NOC2L: variants seen among roughly 807,000 people sequenced by gnomAD.
NOC2L encodes the protein nucleolar complex protein 2 homolog.
In NOC2L, 101 loss-of-function variants were observed where a neutral mutation model predicts 94.2. The ratio of observed to expected loss-of-function variants is 1.07; its 90% CI spans 0.91 to 1.26. NOC2L has a LOEUF of 1.26. Ranked by LOEUF, NOC2L falls within the 50% of genes most tolerant of loss-of-function variation. NOC2L has a pLI of 0.00. For missense variants in NOC2L, 1,076 were observed against 980.1 expected, an observed-to-expected ratio of 1.10 and a Z score of -1.31; for synonymous variants, 531 against 413.4, an observed-to-expected ratio of 1.28 and a Z score of -3.45.
At chr1:953,939 G>A (rs1466226063) in intron 7 of NOC2L, 47 bp from the exon 8 acceptor site, 4 of 1,606,146 alleles carry the variant, frequency 2.5e-6, no homozygotes, top group African/African-American at 2.7e-5. Context: ...TGTATTCTGG[G>A]ATACAAAAAA....
Position 953,209 on chromosome 1 carries a change from T to C in NOC2L, c.968A>G (p.His323Arg), listed in dbSNP as rs769994240. 2 of 1,613,506 alleles carry C rather than the reference T, an allele frequency of 1.2e-6. No homozygotes were observed. Among genetic ancestry groups the C allele is most frequent in the Middle Eastern group, 1.7e-4 (1 of 6,060 alleles). Residue 323 changes from histidine (H) to arginine (R), a missense_variant, in exon 9 of 19, where the codon CAC (histidine) becomes CGC (arginine). This residue lies in a region of NOC2L where 615 missense variants were observed against 577.4 expected (regional missense o/e 1.07). Transcript: ENST00000327044. Reference protein sequence around the residue: ...AFLVLSRVCRHKKDTFLGPVL... With the variant: ...AFLVLSRVCRRKKDTFLGPVL... ...GGGGCCAAGGAAAGTGTCCTTCTTG[T>C]GCCGGCAGACTCTGCTGAGGACCAG...
intron 2 of NOC2L, chr1:958,029 T>A (rs1642462732): frequency 6.6e-6 from 1 of 152,176 alleles, no homozygotes; most frequent in Admixed American, 6.6e-5. Context: ...AGGTCTTTAT[T>A]CAGACGTCAT....
chr1:957,095 T>C lies in NOC2L; in HGVS notation c.354+4A>G. On this transcript the variant is annotated splice_donor_region_variant and intron_variant, in intron 3 of 18. Coordinates refer to ENST00000327044, the MANE Select transcript of NOC2L (RefSeq NM_015658.4). ...CCCCCTTCTGGTTTGGCCCACGCCC[T>C]CACCTCCAGCACATCTGGCAGGGAG... The C allele has an allele frequency of 6.2e-7, 1 of 1,614,024 alleles. No individual in the cohort carries two copies. Among genetic ancestry groups the C allele is most frequent in the Non-Finnish European group, 8.5e-7 (1 of 1,179,994 alleles).
At chr1:944,938 C>G (rs947190152) in intron 18 of NOC2L, 119 bp downstream of exon 18, 1 of 1,529,474 alleles carries the variant, frequency 6.5e-7, no homozygotes, top group Admixed American at 1.8e-5. Context: ...AGCATTTGGC[C>G]TGGCCTTCCC....
intron 17 of NOC2L, 70 bp from the exon 18 acceptor site, chr1:945,216 C>A: frequency 6.6e-7 from 1 of 1,524,644 alleles, no homozygotes; most frequent in Non-Finnish European, 8.9e-7. Flanking sequence ...ACAGTGGGGG[C>A]AGGAGGGTGG....
rs563583263 is a variant in NOC2L at position 944,314 on chromosome 1, C to T, written c.*380G>A. 8.0e-5 allele frequency: 111 copies of T among 1,391,546 alleles called. No individual in the cohort carries two copies. In the South Asian group the frequency reaches 1.8e-3, roughly 23 times the overall value. The allele number at this position is 1,391,546 out of a possible 1,614,324, so 86.2% of individuals were successfully genotyped here. On this transcript the variant is annotated 3_prime_UTR_variant, in exon 19 of 19. Coordinates refer to ENST00000327044, the MANE Select transcript of NOC2L (RefSeq NM_015658.4). ...AAGGAAAGGAACAAATTTTCAAAGA[C>T]TTGGGGGAGTGAAGGCAGAGCCTGG...
At position 957,230 on chromosome 1, in the gene NOC2L, G is replaced by A. The variant is rs200571394; in HGVS notation, c.223C>T (p.Arg75Trp). The change falls in exon 3 of 19, where the codon CGG becomes TGG. Residue 75 changes from arginine (R) to tryptophan (W), a missense_variant. Physicochemically the swap from Arg to Trp is moderately radical, Grantham distance 101. Coordinates refer to ENST00000327044, the MANE Select transcript of NOC2L (RefSeq NM_015658.4). ...RASEHKDQLS[R>W]LKDRDPEFYK... ...AACTCGGGGTCTCTGTCCTTCAGCC[G>A]AGAGAGCTGGTCTTTGTGCTCAGAG... 10 of 1,613,452 alleles carry A rather than the reference G, an allele frequency of 6.2e-6. No homozygotes were observed. The highest frequency in any genetic ancestry group is 2.2e-5 in the East Asian group (1 of 44,836).
Position 958,731 on chromosome 1 carries a change from T to C in NOC2L, c.179+198A>G, listed in dbSNP as rs551264965. Reference sequence around the variant, plus strand: ...TTTTGCACAACTCACCAACATACGCTCCCTGCCTAGGACAGAGTTTGGCAC... The same window carrying C: ...TTTTGCACAACTCACCAACATACGCCCCCTGCCTAGGACAGAGTTTGGCAC... On this transcript the variant is annotated intron_variant, in intron 2 of 18. Coordinates refer to ENST00000327044, the MANE Select transcript of NOC2L (RefSeq NM_015658.4). 1.3e-4 allele frequency: 90 copies of C among 713,902 alleles called. No individual in the cohort carries two copies. The African/African-American group carries it at 1.3e-3, about 10-fold the overall frequency. 44.2% of individuals were successfully genotyped at this position (713,902 alleles called of 1,614,324 possible).
intron 6 of NOC2L, 21 bp from the exon 7 acceptor site, chr1:954,103 CCT>C: frequency 6.2e-7 from 1 of 1,609,842 alleles, no homozygotes; most frequent in Non-Finnish European, 8.5e-7. Flanking sequence ...ACCACCCACC[CCT>C]GGCTGGGAGG....
In NOC2L at chr1:953,249, G is replaced by A. The variant is rs142878344; in HGVS notation, c.928C>T (p.Arg310Trp). The A allele has an allele frequency of 3.1e-6, 5 of 1,611,382 alleles. No homozygotes were observed. The highest frequency in any genetic ancestry group is 1.3e-5 in the African/African-American group (1 of 74,886). ...CTGAGGACCAGGAAAGCCAGCACCC[G>A]CAGAGACTCTTCCCCAGTGCTCCAT... ...IVWSTGEESLRVLAFLVLSRV... is the reference protein window; with the variant it reads ...IVWSTGEESLWVLAFLVLSRV... Residue 310 changes from arginine to tryptophan, a missense_variant, in exon 9 of 19, where the codon CGG (arginine) becomes TGG (tryptophan). By Grantham distance (101) the Arg-to-Trp change is moderately radical. Transcript: ENST00000327044.
At chr1:957,407 G>A in intron 2 of NOC2L, 134 bp from the exon 3 acceptor site, 1 of 832,970 alleles carries the variant, frequency 1.2e-6, no homozygotes, top group Non-Finnish European at 1.9e-6. Flanking sequence ...GTACGTTTTT[G>A]GCAGACTCAC....
intron 11 of NOC2L, among the ~76,000 whole-genome samples, chr1:951,749 C>A (rs1286271238): frequency 6.6e-6 from 1 of 152,240 alleles, no homozygotes; most frequent in Admixed American, 6.5e-5. Context: ...CCAGAACACA[C>A]GCTGGGTGGC....
rs920336712 is a variant in NOC2L at position 945,584 on chromosome 1, G to A, written c.1987C>T (p.Gln663Ter). ...MADRKDEDRK[Q>*]FKDLFDLNSS... ...TTCAGGTCAAAGAGGTCTTTAAATT[G>A]CTTCCTGTCCTCATCCTTCCTGTCA... The change falls in exon 17 of 19, where the codon CAA (glutamine) becomes TAA (stop). Residue 663 changes from glutamine to a stop codon, truncating the protein, a stop_gained. Coordinates refer to ENST00000327044, the MANE Select transcript of NOC2L (RefSeq NM_015658.4). LOFTEE classifies it high-confidence loss of function. 37 of 1,614,082 alleles carry A rather than the reference G, an allele frequency of 2.3e-5. No homozygotes were observed. Among genetic ancestry groups the A allele is most frequent in the Non-Finnish European group, 3.1e-5 (37 of 1,179,956 alleles).
chr1:953,595 A>G lies in NOC2L; in HGVS notation c.888+187T>C, dbSNP rs112961574. On this transcript the variant is annotated intron_variant, in intron 8 of 18. Coordinates refer to ENST00000327044, the MANE Select transcript of NOC2L (RefSeq NM_015658.4). The stretch of plus-strand genomic sequence containing the variant: ...ACTGAGCCGCGCTGCCCGGGCAGGC[A>G]GGGACTGCCTGAGACAGAAACCCCA... Among the ~76,000 whole-genome samples the G allele has an allele frequency of 1.3e-3, 205 of 152,370 alleles. 1 individual carries two copies. The highest frequency in any genetic ancestry group is 4.8e-3 in the African/African-American group (199 of 41,596).
intron 12 of NOC2L, 136 bp from the exon 13 acceptor site, chr1:948,739 C>A: frequency 1.6e-6 from 1 of 637,608 alleles, no homozygotes. Flanking sequence ...CCTCAGGCTT[C>A]AGCACGAGGA....
At chr1:949,451 G>A (rs187164087) in intron 12 of NOC2L, among the ~76,000 whole-genome samples, 6 of 152,322 alleles carry the variant, frequency 3.9e-5, no homozygotes, top group Middle Eastern at 3.4e-3. Context: ...ATGGGCAGGC[G>A]ACTGGCTTCC....
rs956890867 is a variant in NOC2L, at chr1:951,221, C to A, written c.1349G>T (p.Arg450Leu). 6.3e-7 allele frequency: 1 copy of A among 1,588,292 alleles called. No homozygotes were observed. ...IGCIKLIPTA[R>L]FYPLRMHCIR... ...GCAGTGCATTCGCAGCGGGTAGAAGCGGGCAGTGGGGATGAGCCTGGGGGT... is the reference window on the plus strand; with the variant it reads ...GCAGTGCATTCGCAGCGGGTAGAAGAGGGCAGTGGGGATGAGCCTGGGGGT... The change falls in exon 12 of 19, where the codon CGC becomes CTC. Residue 450 changes from arginine (R) to leucine (L), a missense_variant. Physicochemically the swap from Arg to Leu is moderately radical, Grantham distance 102 (BLOSUM62 -2). This residue lies in a region of NOC2L where 615 missense variants were observed against 577.4 expected (regional missense o/e 1.07). Coordinates refer to ENST00000327044, the MANE Select transcript of NOC2L (RefSeq NM_015658.4).
chr1:945,091 CTCGTCCTCTTCA>C lies in NOC2L; in HGVS notation c.2097_2108del (p.Asp699_Asp702del), dbSNP rs1642060917. On this transcript the variant is annotated inframe_deletion, in exon 18 of 19. Transcript: ENST00000327044. ...TGCTGCTGTCCTCCTCGCCCTCCTC[CTCGTCCTCTTCA>C]TCGTCTTCCACCCCATGCCGAGTGC... 2 of 1,612,054 alleles carry C rather than the reference CTCGTCCTCTTCA, an allele frequency of 1.2e-6. No homozygotes were observed. Among genetic ancestry groups the C allele is most frequent in the East Asian group, 2.2e-5 (1 of 44,870 alleles).
chr1:951,045 A>G, intron 12 of NOC2L, 82 bp downstream of exon 12: 3 of 1,117,290 alleles, frequency 2.7e-6, no homozygotes, highest in Non-Finnish European at 4.0e-6. Context: ...TCGCCGGACA[A>G]CTCAGCACAG....
Sources: allele counts gnomAD v4.1 joint callset (sites outside exome capture counted in the v4.1 genomes callset), GRCh38; gene constraint gnomAD v4.1.1; regional missense constraint gnomAD v4.1.1; transcripts MANE v1.5; gene names NCBI Gene and HGNC (gene_info 2026-07-23, HGNC 2026-07-21).